PLXDC2: variants seen among roughly 807,000 people sequenced by gnomAD.
The protein encoded by PLXDC2 is plexin domain containing 2, also known as plexin domain-containing protein 2.
In PLXDC2, 40 loss-of-function variants were observed where a neutral mutation model predicts 68.9. The ratio of observed to expected loss-of-function variants is 0.58; its 90% CI spans 0.45 to 0.76. The LOEUF (loss-of-function observed/expected upper bound fraction) is 0.76, where lower values mean the gene tolerates loss of function less well. Among genes scored for constraint, PLXDC2 ranks in the 30% least tolerant of loss-of-function variants. The probability of loss-of-function intolerance (pLI) is 0.00; values close to 1 mark genes in which losing one functional copy is unlikely to be tolerated. For synonymous variants in PLXDC2, 243 were observed against 234.2 expected, an observed-to-expected ratio of 1.04 and a Z score of -0.34; for missense variants, 644 against 661.9, an observed-to-expected ratio of 0.97 and a Z score of 0.30.
chr10:20,141,994 T>C (rs1834013153), intron 4 of PLXDC2, among the ~76,000 whole-genome samples: 2 of 152,008 alleles, frequency 1.3e-5, no homozygotes, highest in South Asian at 4.1e-4. Context: ...CAATTATGCT[T>C]TTGATGAAAA....
chr10:19,989,621 C>T (rs138772548), intron 1 of PLXDC2, among the ~76,000 whole-genome samples: 8 of 152,232 alleles, frequency 5.3e-5, no homozygotes, highest in African/African-American at 1.7e-4. Flanking sequence ...TAACTGAGCC[C>T]TGCACCCAGG....
chr10:19,914,137 A>AGAAG lies in PLXDC2; in HGVS notation c.113-87618_113-87615dup, dbSNP rs556854706. Among the ~76,000 whole-genome samples, 600 of 151,348 alleles carry AGAAG rather than the reference A, an allele frequency of 4.0e-3. 4 individuals carry two copies. Among genetic ancestry groups the AGAAG allele is most frequent in the Middle Eastern group, 0.024 (7 of 288 alleles). Reference sequence around the variant, plus strand: ...AGGTAGGGAGGTAGGGAGGAAGGAAAGAAGGAAGGAAGGAAGGAAGGAAAG... The same window carrying AGAAG: ...AGGTAGGGAGGTAGGGAGGAAGGAAAGAAGGAAGGAAGGAAGGAAGGAAGGAAAG... On this transcript the variant is annotated intron_variant, in intron 1 of 13. Transcript: ENST00000377252.
intron 6 of PLXDC2, among the ~76,000 whole-genome samples, chr10:20,150,244 C>T (rs112860139): frequency 0.021 from 3,135 of 152,164 alleles, 98 homozygotes; most frequent in African/African-American, 0.071. Context: ...TTTGTTCTAC[C>T]CAGTTTTTTG....
chr10:20,007,053 T>A (rs1431048107), intron 2 of PLXDC2, among the ~76,000 whole-genome samples: 1 of 152,240 alleles, frequency 6.6e-6, no homozygotes, highest in Non-Finnish European at 1.5e-5. Context: ...CTACTTTGTA[T>A]AATTATTTTG....
chr10:19,818,384 G>T (rs1011486316), intron 1 of PLXDC2, among the ~76,000 whole-genome samples: 1 of 151,936 alleles, frequency 6.6e-6, no homozygotes, highest in Admixed American at 6.6e-5. Context: ...GAATCTTGAA[G>T]ATCTTGAAGG....
At chr10:20,115,730 TTA>T (rs1833612914) in intron 4 of PLXDC2, among the ~76,000 whole-genome samples, 1 of 152,204 alleles carries the variant, frequency 6.6e-6, no homozygotes, top group African/African-American at 2.4e-5. Flanking sequence ...CTATTACATT[TTA>T]TTTAAATAAT....
intron 12 of PLXDC2, among the ~76,000 whole-genome samples, chr10:20,235,738 C>G (rs753191223): frequency 6.6e-6 from 1 of 152,142 alleles, no homozygotes; most frequent in Non-Finnish European, 1.5e-5. Context: ...CTTCCATGTT[C>G]AGAAAACTTA....
At chr10:20,157,856 A>C (rs1320746739) in intron 6 of PLXDC2, among the ~76,000 whole-genome samples, 3 of 152,198 alleles carry the variant, frequency 2.0e-5, no homozygotes, top group Non-Finnish European at 4.4e-5. Context: ...GTATTCATGA[A>C]TGCTTTTAGG....
chr10:20,211,580 C>A, intron 9 of PLXDC2, 89 bp from the exon 10 acceptor site: 2 of 1,113,942 alleles, frequency 1.8e-6, no homozygotes, highest in Non-Finnish European at 1.3e-6. Flanking sequence ...TGAGAATGAA[C>A]TACCTACTAA....
intron 1 of PLXDC2, among the ~76,000 whole-genome samples, chr10:19,987,381 G>C (rs1037755418): frequency 6.6e-6 from 1 of 151,862 alleles, no homozygotes; most frequent in African/African-American, 2.4e-5. Context: ...TCATGGTCAC[G>C]TGCATCCCGC....
intron 13 of PLXDC2, among the ~76,000 whole-genome samples, chr10:20,247,961 C>T (rs992264253): frequency 6.6e-6 from 1 of 152,262 alleles, no homozygotes; most frequent in African/African-American, 2.4e-5. Context: ...GCTTCGTTTT[C>T]TTGGAAGAAA....
intron 2 of PLXDC2, among the ~76,000 whole-genome samples, chr10:20,033,021 CG>C (rs1835525433): frequency 9.0e-6 from 1 of 111,684 alleles, no homozygotes; most frequent in African/African-American, 3.6e-5. Context: ...CATCACACAC[CG>C]GGGCCTGTTG....
intron 1 of PLXDC2, among the ~76,000 whole-genome samples, chr10:19,873,836 A>T (rs1837586677): frequency 6.6e-6 from 1 of 152,050 alleles, no homozygotes; most frequent in African/African-American, 2.4e-5. Context: ...AGTATTTGGT[A>T]CTCCCTAAAA....
chr10:20,285,484 A>G lies in PLXDC2; in HGVS notation c.*5665A>G, dbSNP rs908296929. ...TATCAATTTTCAACTCCAATTTTCT[A>G]TTCTACTTAAAATGGGAACTAGAAA... is the stretch of plus-strand genomic sequence containing the variant. On this transcript the variant is annotated 3_prime_UTR_variant, in exon 14 of 14. Coordinates refer to ENST00000377252, the MANE Select transcript of PLXDC2 (RefSeq NM_032812.9). 2 of 152,192 alleles carry G rather than the reference A, an allele frequency of 1.3e-5. No homozygotes were observed. Among genetic ancestry groups the G allele is most frequent in the Non-Finnish European group, 2.9e-5 (2 of 68,030 alleles). 9.4% of individuals were successfully genotyped at this position (152,192 alleles called of 1,614,324 possible).
chr10:20,169,424 A>G (rs775966292), intron 7 of PLXDC2, among the ~76,000 whole-genome samples: 4 of 152,136 alleles, frequency 2.6e-5, no homozygotes, highest in Non-Finnish European at 4.4e-5. Context: ...TGTTGTTTGT[A>G]ATTTCCATAA....
chr10:20,111,530 T>C (rs1457083617), intron 4 of PLXDC2, among the ~76,000 whole-genome samples: 1 of 152,220 alleles, frequency 6.6e-6, no homozygotes, highest in Non-Finnish European at 1.5e-5. Flanking sequence ...TAACATTTGG[T>C]TTAGTTTAGT....
At chr10:20,228,444 C>A (rs1835314780) in intron 12 of PLXDC2, among the ~76,000 whole-genome samples, 2 of 152,074 alleles carry the variant, frequency 1.3e-5, no homozygotes, top group Non-Finnish European at 2.9e-5. Flanking sequence ...CACCTGTAGT[C>A]CTAACTACTG....
At chr10:20,115,591 G>T (rs951518851) in intron 4 of PLXDC2, among the ~76,000 whole-genome samples, 3 of 152,096 alleles carry the variant, frequency 2.0e-5, no homozygotes, top group South Asian at 2.1e-4. Context: ...ATACTTACCC[G>T]GGTAGAGTTT....
At chr10:19,883,440 C>T (rs1183568094) in intron 1 of PLXDC2, among the ~76,000 whole-genome samples, 1 of 152,130 alleles carries the variant, frequency 6.6e-6, no homozygotes, top group East Asian at 1.9e-4. Flanking sequence ...ATTTAATATT[C>T]ATAGCATGAA....
Sources: gnomAD v4.1 joint callset for allele counts (sites outside exome capture counted in the v4.1 genomes callset) on GRCh38, gnomAD v4.1.1 for gene constraint, MANE v1.5 for transcripts, NCBI Gene and HGNC (gene_info 2026-07-23, HGNC 2026-07-21) for gene names.